CAPN8: variants seen among roughly 807,000 people sequenced by gnomAD.
CAPN8 encodes the protein calpain 8, also known as calpain-8.
CAPN8 carries 87 observed loss-of-function variants against 80.9 expected under a neutral mutation model. The observed-to-expected ratio is 1.07, with a 90% CI of 0.90 to 1.28. CAPN8 has a LOEUF of 1.28. Ranked by LOEUF, CAPN8 falls within the 50% of genes most tolerant of loss-of-function variation. CAPN8 has a pLI of 0.00. For synonymous variants in CAPN8, 299 were observed against 273.8 expected (o/e 1.09, Z -0.91); for missense variants, 757 against 702.0 (o/e 1.08, Z -0.89).
At chr1:223,637,551 C>G (rs1173726236) in intron 2 of CAPN8, among the ~76,000 whole-genome samples, 1 of 152,162 alleles carries the variant, frequency 6.6e-6, no homozygotes, top group Non-Finnish European at 1.5e-5. Flanking sequence ...TAGCAGGATC[C>G]TCTGTTTAAG....
intron 2 of CAPN8, among the ~76,000 whole-genome samples, chr1:223,647,573 T>C (rs1658224935): frequency 6.6e-6 from 1 of 152,078 alleles, no homozygotes; most frequent in Admixed American, 6.6e-5. Flanking sequence ...AAAACCCTCT[T>C]TGGAAAAAGA....
chr1:223,656,167 C>T (rs551392487), intron 1 of CAPN8, among the ~76,000 whole-genome samples: 34 of 148,454 alleles, frequency 2.3e-4, no homozygotes, highest in African/African-American at 8.0e-4. Flanking sequence ...TTTTTTTTTC[C>T]CAAGTATTAA....
At chr1:223,612,999 G>C (rs1657071668) in intron 10 of CAPN8, among the ~76,000 whole-genome samples, 4 of 152,082 alleles carry the variant, frequency 2.6e-5, no homozygotes, top group Admixed American at 2.6e-4. Context: ...TGGAAGTGTT[G>C]ACTCCCATAA....
chr1:223,553,281 C>A (rs959801012), intron 14 of CAPN8, among the ~76,000 whole-genome samples: 1 of 152,134 alleles, frequency 6.6e-6, no homozygotes, highest in African/African-American at 2.4e-5. Context: ...GATCAGGGGT[C>A]GCTTCTTTCT....
rs1426238756 is a variant in CAPN8 at position 223,622,925 on chromosome 1, C to T, written c.814-25G>A. 8 of 1,531,892 alleles carry T rather than the reference C, an allele frequency of 5.2e-6. No individual in the cohort carries two copies. In the African/African-American group the frequency reaches 6.9e-5, roughly 13 times the overall value. The allele number at this position is 1,531,892 out of a possible 1,614,324, so 94.9% of individuals were successfully genotyped here. Reference sequence around the variant, plus strand: ...CCTGCAAATTCCATACACAGAAAAGCGACTGAATTACTATGCTCCTGTTGC... The same window carrying T: ...CCTGCAAATTCCATACACAGAAAAGTGACTGAATTACTATGCTCCTGTTGC... On this transcript the variant is annotated intron_variant, in intron 6 of 20. Transcript: ENST00000366872.
chr1:223,658,252 A>G (rs1178472070), intron 1 of CAPN8, among the ~76,000 whole-genome samples: 1 of 152,140 alleles, frequency 6.6e-6, no homozygotes, highest in African/African-American at 2.4e-5. Flanking sequence ...TTAGATTCAT[A>G]TCTAATAGGC....
intron 1 of CAPN8, among the ~76,000 whole-genome samples, chr1:223,660,692 A>G (rs1182927147): frequency 6.6e-6 from 1 of 152,248 alleles, no homozygotes; most frequent in African/African-American, 2.4e-5. Flanking sequence ...ACATGTGTAC[A>G]TACATGTTCA....
At position 223,548,455 on chromosome 1, in the gene CAPN8, C is replaced by T. The variant is rs1332350303; in HGVS notation, c.1764+863G>A. ...GTCCTCCAAAATTTGTATGCTGAAACCCAATCCTCATGTGAGGATATTAGG... is the reference window on the plus strand; with the variant it reads ...GTCCTCCAAAATTTGTATGCTGAAATCCAATCCTCATGTGAGGATATTAGG... On this transcript the variant is annotated intron_variant, in intron 16 of 20. Coordinates refer to ENST00000366872, the MANE Select transcript of CAPN8 (RefSeq NM_001143962.2). Among the ~76,000 whole-genome samples the T allele has an allele frequency of 2.6e-5, 4 of 152,178 alleles. No individual in the cohort carries two copies. The East Asian group carries it at 7.7e-4, about 29-fold the overall frequency.
chr1:223,553,208 C>T (rs1656835695), intron 14 of CAPN8, among the ~76,000 whole-genome samples: 1 of 152,012 alleles, frequency 6.6e-6, no homozygotes, highest in Non-Finnish European at 1.5e-5. Flanking sequence ...CCTGGTTATG[C>T]TTTGACTTGT....
intron 2 of CAPN8, among the ~76,000 whole-genome samples, chr1:223,640,398 A>G (rs115363061): frequency 1.6e-3 from 242 of 152,286 alleles, no homozygotes; most frequent in African/African-American, 5.6e-3. Context: ...TAGGAAAACA[A>G]AAACTGAAAT....
intron 7 of CAPN8, 143 bp downstream of exon 7, chr1:223,622,672 A>C (rs1657435285): frequency 2.9e-6 from 2 of 681,478 alleles, no homozygotes; most frequent in Non-Finnish European, 5.2e-6. Flanking sequence ...TCCATTTAAT[A>C]CTCTTTTCTG....
chr1:223,552,056 G>A (rs1424142320), intron 14 of CAPN8, among the ~76,000 whole-genome samples: 1 of 152,204 alleles, frequency 6.6e-6, no homozygotes, highest in African/African-American at 2.4e-5. Context: ...ATGCAGAGAA[G>A]GCGTGCTGGG....
chr1:223,637,031 A>C (rs2102721564), intron 2 of CAPN8, among the ~76,000 whole-genome samples: 1 of 152,322 alleles, frequency 6.6e-6, no homozygotes, highest in Non-Finnish European at 1.5e-5. Flanking sequence ...CCATGCCTCA[A>C]GTAGAGCCTC....
chr1:223,549,710 C>A (rs568273724), intron 15 of CAPN8: 1 of 472,136 alleles, frequency 2.1e-6, no homozygotes, highest in East Asian at 4.2e-5. Context: ...ATGATAGTAA[C>A]AATGACCATA....
In CAPN8 at chr1:223,644,271, T is replaced by C; in HGVS notation, c.307+10059A>G. The C allele has an allele frequency of 1.0e-5, 3 of 295,800 alleles. 1 individual carries two copies. The highest frequency in any genetic ancestry group is 8.1e-5 in the South Asian group (2 of 24,702). 18.3% of individuals were successfully genotyped at this position (295,800 alleles called of 1,614,324 possible). A position where few individuals can be genotyped will look rare whatever the true frequency, so the allele number is the denominator to read the frequency against. On this transcript the variant is annotated intron_variant, in intron 2 of 20. Coordinates refer to ENST00000366872, the MANE Select transcript of CAPN8 (RefSeq NM_001143962.2). ...TACAGCCTTCTATCCACATATTCTC[T>C]GCTTATAGAGCCATACCTGAATCTG...
intron 13 of CAPN8, among the ~76,000 whole-genome samples, chr1:223,556,024 C>T (rs1054219651): frequency 1.8e-4 from 28 of 152,280 alleles, no homozygotes; most frequent in East Asian, 9.6e-4. Flanking sequence ...GCATGGCAAA[C>T]GCAAGGAATT....
intron 9 of CAPN8, among the ~76,000 whole-genome samples, chr1:223,616,621 A>G (rs1390212010): frequency 6.6e-6 from 1 of 152,214 alleles, no homozygotes; most frequent in Non-Finnish European, 1.5e-5. Flanking sequence ...TAGCTACCAA[A>G]AAGGTCTCTC....
At chr1:223,662,011 G>GGATGAA (rs1658657640) in intron 1 of CAPN8, among the ~76,000 whole-genome samples, 2 of 152,196 alleles carry the variant, frequency 1.3e-5, no homozygotes, top group Non-Finnish European at 2.9e-5. Flanking sequence ...TTTGACATAT[G>GGATGAA]CCACAACATG....
At position 223,544,704 on chromosome 1, in the gene CAPN8, C is replaced by T. The variant is rs1371159151; in HGVS notation, c.1912+68G>A. On this transcript the variant is annotated intron_variant, in intron 18 of 20. Transcript: ENST00000366872. ...AATGATGATCATTAGCAATCATCAT[C>T]ATGAGAATAAATATTTACAATGTGC... 3.9e-6 allele frequency: 6 copies of T among 1,539,430 alleles called. 1 individual carries two copies. In the African/African-American group the frequency reaches 8.3e-5, roughly 21 times the overall value.
Sources: gnomAD v4.1 joint callset for allele counts (sites outside exome capture counted in the v4.1 genomes callset) on GRCh38, gnomAD v4.1.1 for gene constraint, MANE v1.5 for transcripts, NCBI Gene and HGNC (gene_info 2026-07-23, HGNC 2026-07-21) for gene names.